Variants in NDUFA5 observed in about 807,000 individuals in gnomAD.
NDUFA5 encodes the protein NADH dehydrogenase [ubiquinone] 1 alpha subcomplex subunit 5.
In NDUFA5, 11 loss-of-function variants were observed where a neutral mutation model predicts 19.8. The observed-to-expected ratio is 0.56, with a 90% confidence interval of 0.35 to 0.92. The LOEUF is 0.92. Ranked by LOEUF, NDUFA5 falls within the 40% of genes least tolerant of loss-of-function variation. The pLI, the probability that NDUFA5 is intolerant of heterozygous loss-of-function variation, is 0.01. For missense variants in NDUFA5, 109 were observed against 134.2 expected, an observed-to-expected ratio of 0.81 and a Z score of 0.93; for synonymous variants, 47 against 46.8, an observed-to-expected ratio of 1.00 and a Z score of -0.01.
At chr7:123,559,883 A>T (rs1204495405), upstream of NDUFA5, among the ~76,000 whole-genome samples, 2 of 151,580 alleles carry the variant, frequency 1.3e-5, no homozygotes, top group Admixed American at 1.3e-4. Context: ...AAAGGAAAGA[A>T]AAAAGAAAAT....
intron 2 of NDUFA5, among the ~76,000 whole-genome samples, chr7:123,552,636 T>TAAAAAAAAAAAAAAAA (rs774901648): frequency 1.8e-4 from 12 of 67,366 alleles, no homozygotes; most frequent in Non-Finnish European, 3.6e-4. Flanking sequence ...AAAGTATAAC[T>TAAAAAAAAAAAAAAAA]AAAAAAAAAA....
At chr7:123,582,198 T>A in the NDUFA5 span, among the ~76,000 whole-genome samples, 5 of 152,080 alleles carry the variant, frequency 3.3e-5, no homozygotes, top group East Asian at 9.7e-4. Context: ...CCAGACCACT[T>A]TGAGGGACAG....
At chr7:123,585,396 G>GACACATT in the NDUFA5 span, among the ~76,000 whole-genome samples, 1 of 151,636 alleles carries the variant, frequency 6.6e-6, no homozygotes, top group Non-Finnish European at 1.5e-5. Flanking sequence ...TCCTCAAACT[G>GACACATT]ACACATTACA....
At chr7:123,594,778 A>G in the NDUFA5 span, among the ~76,000 whole-genome samples, 3 of 152,068 alleles carry the variant, frequency 2.0e-5, no homozygotes, top group African/African-American at 7.2e-5. Context: ...CCATTATTGG[A>G]TCTCAAATGC....
the NDUFA5 span, among the ~76,000 whole-genome samples, chr7:123,568,255 G>A: frequency 6.6e-6 from 1 of 152,166 alleles, no homozygotes; most frequent in South Asian, 2.1e-4. Context: ...GCTCACGCCT[G>A]TAATCCCAGC....
At chr7:123,568,027 A>T in the NDUFA5 span, among the ~76,000 whole-genome samples, 2 of 152,148 alleles carry the variant, frequency 1.3e-5, no homozygotes, top group East Asian at 3.9e-4. Flanking sequence ...GTTTTCAGAT[A>T]TGTTGATTTT....
At chr7:123,596,989 A>G in the NDUFA5 span, among the ~76,000 whole-genome samples, 5 of 152,364 alleles carry the variant, frequency 3.3e-5, no homozygotes, top group East Asian at 7.7e-4. Context: ...CCTTAGCACT[A>G]CTGAGATATG....
the NDUFA5 span, among the ~76,000 whole-genome samples, chr7:123,589,426 T>C: frequency 1.3e-5 from 2 of 151,630 alleles, no homozygotes; most frequent in Non-Finnish European, 2.9e-5. Context: ...ACCCATCAAC[T>C]CATCATTTAC....
At chr7:123,592,423 G>C in the NDUFA5 span, among the ~76,000 whole-genome samples, 1 of 152,156 alleles carries the variant, frequency 6.6e-6, no homozygotes, top group Non-Finnish European at 1.5e-5. Context: ...TGGGCATTTA[G>C]TGCTATAAAT....
the NDUFA5 span, among the ~76,000 whole-genome samples, chr7:123,571,388 T>C: frequency 6.6e-6 from 1 of 152,240 alleles, no homozygotes. Flanking sequence ...ACAAAAATGC[T>C]AACTATGTAA....
chr7:123,598,149 A>T, the NDUFA5 span, among the ~76,000 whole-genome samples: 3 of 152,128 alleles, frequency 2.0e-5, no homozygotes, highest in Non-Finnish European at 4.4e-5. Flanking sequence ...ATAGAAAACC[A>T]AATGCAATGG....
chr7:123,594,714 G>A, the NDUFA5 span, among the ~76,000 whole-genome samples: 3 of 152,194 alleles, frequency 2.0e-5, no homozygotes, highest in Non-Finnish European at 4.4e-5. Flanking sequence ...ACTGGGAGGA[G>A]TCTCCCTGTC....
chr7:123,557,709 G>C, intron 1 of NDUFA5, 66 bp downstream of exon 1: 1 of 1,614,100 alleles, frequency 6.2e-7, no homozygotes. Flanking sequence ...CCCGCGGGAA[G>C]TAGGGCTATC....
At chr7:123,546,918 C>T in intron 3 of NDUFA5, 1 of 389,510 alleles carries the variant, frequency 2.6e-6, no homozygotes, top group East Asian at 7.3e-5. Context: ...GTTAAGGATG[C>T]TGACATGGGG....
At chr7:123,566,970 T>G in the NDUFA5 span, 1 of 152,206 alleles carries the variant, frequency 6.6e-6, no homozygotes, top group Non-Finnish European at 1.5e-5. Context: ...GAATATAGAA[T>G]CATATGATCA....
chr7:123,561,988 G>T (rs973408130), upstream of NDUFA5, among the ~76,000 whole-genome samples: 8 of 151,880 alleles, frequency 5.3e-5, no homozygotes, highest in African/African-American at 1.9e-4. Context: ...CAGAGGAATC[G>T]GTATTTATGG....
chr7:123,568,222 A>G, the NDUFA5 span, among the ~76,000 whole-genome samples: 1 of 152,124 alleles, frequency 6.6e-6, no homozygotes, highest in Non-Finnish European at 1.5e-5. Flanking sequence ...TCTATTGAAA[A>G]TTAAAACTGG....
upstream of NDUFA5, chr7:123,557,913 G>A: frequency 6.4e-7 from 1 of 1,571,846 alleles, no homozygotes; most frequent in African/African-American, 1.3e-5. Flanking sequence ...CACCCCTTCA[G>A]GATCGCCAAA....
intron 2 of NDUFA5, among the ~76,000 whole-genome samples, chr7:123,554,138 G>T (rs1348894655): frequency 1.3e-5 from 2 of 152,100 alleles, no homozygotes; most frequent in East Asian, 3.8e-4. Context: ...ACTGAGATGT[G>T]TTATAAGTAT....
Sources: allele counts gnomAD v4.1 joint callset (sites outside exome capture counted in the v4.1 genomes callset), GRCh38; gene constraint gnomAD v4.1.1; transcripts MANE v1.5; gene names NCBI Gene and HGNC (gene_info 2026-07-23, HGNC 2026-07-21).